The following GPC6 variants were observed in gnomAD, a reference collection of about 807,000 sequenced individuals.
GPC6 encodes glypican 6.
GPC6 carries 14 observed loss-of-function variants against 55.2 expected under a neutral mutation model. The ratio of observed to expected loss-of-function variants is 0.25; its 90% CI spans 0.17 to 0.40. The LOEUF (loss-of-function observed/expected upper bound fraction) is 0.40, where lower values mean the gene tolerates loss of function less well. Ranked by LOEUF, GPC6 falls within the 10% of genes least tolerant of loss-of-function variation. The probability of loss-of-function intolerance (pLI) is 1.00; values close to 1 mark genes in which losing one functional copy is unlikely to be tolerated. For missense variants in GPC6, 641 were observed against 708.5 expected, an observed-to-expected ratio of 0.90 and a Z score of 1.08; for synonymous variants, 278 against 259.6, an observed-to-expected ratio of 1.07 and a Z score of -0.68.
intron 1 of GPC6, among the ~76,000 whole-genome samples, chr13:93,470,325 C>T (rs150740905): frequency 0.019 from 2,933 of 152,098 alleles, 40 homozygotes; most frequent in Middle Eastern, 0.048. Flanking sequence ...TTTTTTAAAT[C>T]GTTAATGAAC....
At chr13:94,086,648 G>C (rs1885291748) in intron 4 of GPC6, among the ~76,000 whole-genome samples, 1 of 152,100 alleles carries the variant, frequency 6.6e-6, no homozygotes, top group Admixed American at 6.5e-5. Flanking sequence ...ATGTGGCTCT[G>C]TTTCCTCAAG....
chr13:93,992,350 T>A (rs191802502), intron 3 of GPC6, among the ~76,000 whole-genome samples: 1 of 152,124 alleles, frequency 6.6e-6, no homozygotes, highest in African/African-American at 2.4e-5. Flanking sequence ...GAATGTACCT[T>A]TTCAGTGAAA....
chr13:94,027,609 G>A, intron 3 of GPC6, 120 bp from the exon 4 acceptor site: 2 of 863,158 alleles, frequency 2.3e-6, no homozygotes, highest in Non-Finnish European at 1.9e-6. Context: ...ATGGATTCAA[G>A]ATCAGTAATT....
intron 4 of GPC6, among the ~76,000 whole-genome samples, chr13:94,261,658 G>A (rs969786156): frequency 1.3e-5 from 2 of 152,184 alleles, no homozygotes; most frequent in African/African-American, 4.8e-5. Flanking sequence ...AATAACTAAT[G>A]AACAAATAAA....
At chr13:93,814,470 G>T (rs59652531) in intron 2 of GPC6, among the ~76,000 whole-genome samples, 4,396 of 152,142 alleles carry the variant, frequency 0.029, 78 homozygotes, top group South Asian at 0.065. Flanking sequence ...AGTACATTAG[G>T]TATGACTTAA....
chr13:94,102,762 A>G (rs1457582687), intron 4 of GPC6, among the ~76,000 whole-genome samples: 2 of 152,182 alleles, frequency 1.3e-5, no homozygotes, highest in African/African-American at 2.4e-5. Context: ...TCCTTTTTAA[A>G]TGAAAATAGA....
chr13:93,632,536 G>A (rs1879492773), intron 2 of GPC6, among the ~76,000 whole-genome samples: 1 of 82,428 alleles, frequency 1.2e-5, no homozygotes, highest in Non-Finnish European at 3.5e-5. Flanking sequence ...CTGAGCCTGG[G>A]TATGTTGAGA....
At position 94,395,759 on chromosome 13, in the gene GPC6, CA is replaced by C. The variant is rs554192578; in HGVS notation, c.1290-2706del. 4.7e-3 allele frequency among the ~76,000 whole-genome samples: 718 copies of C among 152,268 alleles called. 3 individuals are homozygous for C. Among genetic ancestry groups the C allele is most frequent in the Non-Finnish European group, 6.7e-3 (455 of 68,000 alleles). On this transcript the variant is annotated intron_variant, in intron 7 of 8. Transcript: ENST00000377047. ...TGTTTTTTGAGCTTTCAAGCAACAA[CA>C]GTAGAGCAAGTAAAAGAATAACAGT... is the stretch of plus-strand genomic sequence containing the variant.
In GPC6 at chr13:94,067,636, CAGAT is replaced by C. The variant is rs1174010834; in HGVS notation, c.877+39746_877+39749del. On this transcript the variant is annotated intron_variant, in intron 4 of 8. Coordinates refer to ENST00000377047, the MANE Select transcript of GPC6 (RefSeq NM_005708.5). ...ATAGATAGATAGACAGACAGACAGA[CAGAT>C]AGACAGGAAAGAGGGAGAAAAGAGA... Among the ~76,000 whole-genome samples, 597 of 151,932 alleles carry C rather than the reference CAGAT, an allele frequency of 3.9e-3. 5 individuals are homozygous for C. The highest frequency in any genetic ancestry group is 0.013 in the African/African-American group (547 of 41,428).
chr13:93,611,768 A>G (rs1370731682), intron 2 of GPC6, among the ~76,000 whole-genome samples: 2 of 152,318 alleles, frequency 1.3e-5, no homozygotes, highest in South Asian at 4.1e-4. Context: ...TGTTTATTCT[A>G]AGAATAATAA....
chr13:93,645,923 G>A (rs867147659), intron 2 of GPC6, among the ~76,000 whole-genome samples: 15 of 151,898 alleles, frequency 9.9e-5, no homozygotes, highest in Non-Finnish European at 2.2e-4. Flanking sequence ...GACTAATCTC[G>A]TCCCCCGACC....
chr13:93,256,199 C>T (rs940809353), intron 1 of GPC6, among the ~76,000 whole-genome samples: 3 of 139,326 alleles, frequency 2.2e-5, no homozygotes, highest in African/African-American at 7.8e-5. Flanking sequence ...AGATCTAATA[C>T]ATGAAACCTA....
At chr13:93,692,635 A>G (rs1219265237) in intron 2 of GPC6, among the ~76,000 whole-genome samples, 1 of 152,054 alleles carries the variant, frequency 6.6e-6, no homozygotes, top group East Asian at 1.9e-4. Context: ...CTTAAATTTT[A>G]GTACTTATTT....
intron 3 of GPC6, among the ~76,000 whole-genome samples, chr13:93,970,405 G>C (rs1880234836): frequency 6.6e-6 from 1 of 152,206 alleles, no homozygotes; most frequent in Non-Finnish European, 1.5e-5. Context: ...ATTGAGAGTT[G>C]CTCACTGGAA....
chr13:93,728,232 T>TTTG (rs1883711841), intron 2 of GPC6, among the ~76,000 whole-genome samples: 1 of 108,414 alleles, frequency 9.2e-6, no homozygotes, highest in African/African-American at 3.4e-5. Flanking sequence ...TTGTTTGTTT[T>TTTG]TTGAGACAGG....
chr13:93,724,546 A>G (rs1883562391), intron 2 of GPC6, among the ~76,000 whole-genome samples: 1 of 152,022 alleles, frequency 6.6e-6, no homozygotes, highest in Admixed American at 6.6e-5. Context: ...TACAACAGAG[A>G]AATTATATTT....
chr13:93,427,012 A>AT (rs1398039292), intron 1 of GPC6, among the ~76,000 whole-genome samples: 6 of 149,616 alleles, frequency 4.0e-5, no homozygotes, highest in Non-Finnish European at 7.4e-5. Context: ...TTTTTCATGT[A>AT]TTTTTTGGCT....
chr13:93,690,056 A>G (rs1030201937), intron 2 of GPC6, among the ~76,000 whole-genome samples: 1 of 152,240 alleles, frequency 6.6e-6, no homozygotes, highest in East Asian at 1.9e-4. Flanking sequence ...AATATCTTTC[A>G]CTTGGTTTTA....
chr13:93,751,429 C>T (rs1328000776), intron 2 of GPC6, among the ~76,000 whole-genome samples: 1 of 150,582 alleles, frequency 6.6e-6, no homozygotes, highest in East Asian at 1.9e-4. Context: ...TCAAGGTTTT[C>T]AGAAAAAAGA....
Sources: allele counts gnomAD v4.1 joint callset (sites outside exome capture counted in the v4.1 genomes callset), GRCh38; gene constraint gnomAD v4.1.1; transcripts MANE v1.5; gene names NCBI Gene and HGNC (gene_info 2026-07-23, HGNC 2026-07-21).